The following SUPV3L1 variants were observed in gnomAD, a reference collection of about 807,000 sequenced individuals.
SUPV3L1 encodes the protein ATP-dependent RNA helicase SUPV3L1, mitochondrial.
SUPV3L1 carries 35 observed loss-of-function variants against 70.0 expected under a neutral mutation model. The ratio of observed to expected loss-of-function variants is 0.50; its 90% confidence interval spans 0.38 to 0.66. SUPV3L1 has a LOEUF of 0.66. SUPV3L1 is among the 30% of genes least tolerant of loss of function. The pLI, the probability that SUPV3L1 is intolerant of heterozygous loss-of-function variation, is 0.00. For synonymous variants in SUPV3L1, 364 were observed against 341.9 expected, an observed-to-expected ratio of 1.06 and a Z score of -0.71; for missense variants, 777 against 961.5, an observed-to-expected ratio of 0.81 and a Z score of 2.54.
rs752705209 is a variant in SUPV3L1 at position 69,180,488 on chromosome 10, C to T, written c.197C>T (p.Pro66Leu). The T allele has an allele frequency of 8.7e-6, 14 of 1,614,148 alleles. No homozygotes were observed. The Admixed American group carries it at 2.0e-4, about 23-fold the overall frequency. Residue 66 changes from proline (P) to leucine (L), a missense_variant, in exon 1 of 15, where the codon CCC becomes CTC. By Grantham distance (98) the Pro-to-Leu change is moderately conservative. Transcript: ENST00000359655. ...SKIPNTSLFV[P>L]LTVKPQGPSA... ...ATACCAAACACGTCCTTGTTCGTGC[C>T]CCTGACTGTGAAACCTCAGGGCCCC... is the stretch of plus-strand genomic sequence containing the variant.
rs761250024 is a variant in SUPV3L1 at position 69,189,422 on chromosome 10, A to G, written c.728A>G (p.Lys243Arg). The change falls in exon 5 of 15, where the codon AAG becomes AGG. Residue 243 changes from lysine to arginine, a missense_variant. Transcript: ENST00000359655. The part of the protein sequence containing the change: ...LKLLAHEIFE[K>R]SNAAGVPCDL... ...TTACTGGCACATGAGATCTTCGAAA[A>G]GAGTAATGCTGCTGTCAGTATATTA... is the stretch of plus-strand genomic sequence containing the variant. The G allele has an allele frequency of 5.0e-6, 8 of 1,610,780 alleles. No individual in the cohort carries two copies. The highest frequency in any genetic ancestry group is 4.4e-5 in the South Asian group (4 of 90,226).
In SUPV3L1 at chr10:69,191,517, G is replaced by A. The variant is rs768282507; in HGVS notation, c.742-138G>A. ...GCTGGGATTACAGGCATGAGCCACC[G>A]TGTCTGGCCGTGGGAACATTATGTT... On this transcript the variant is annotated intron_variant, in intron 5 of 14. Coordinates refer to ENST00000359655, the MANE Select transcript of SUPV3L1 (RefSeq NM_003171.5). 1.5e-4 allele frequency: 104 copies of A among 671,218 alleles called. No individual in the cohort carries two copies. The Middle Eastern group carries it at 3.7e-3, about 24-fold the overall frequency. The allele number at this position is 671,218 out of a possible 1,614,324, so 41.6% of individuals were successfully genotyped here.
At chr10:69,189,230 G>C in intron 4 of SUPV3L1, 37 bp from the exon 5 acceptor site, 1 of 1,575,502 alleles carries the variant, frequency 6.3e-7, no homozygotes, top group South Asian at 1.2e-5. Context: ...GGATTTTGAG[G>C]TTAATGGATT....
In SUPV3L1 at chr10:69,186,325, CAAAAAAAA is replaced by C. The variant is rs34197871; in HGVS notation, c.350-106_350-99del. 1.5e-5 allele frequency: 6 copies of C among 400,326 alleles called. No homozygotes were observed. In the African/African-American group the frequency reaches 2.5e-4, roughly 17 times the overall value. 24.8% of individuals were successfully genotyped at this position (400,326 alleles called of 1,614,324 possible). On this transcript the variant is annotated intron_variant, in intron 2 of 14. Coordinates refer to ENST00000359655, the MANE Select transcript of SUPV3L1 (RefSeq NM_003171.5). ...GATCATAATAAACCAGCTGTACTGC[CAAAAAAAA>C]AAAAAAAAAAAGAAAAAAAAAGACT...
Position 69,186,234 on chromosome 10 carries a change from T to A in SUPV3L1, c.349+170T>A, listed in dbSNP as rs576640831. On this transcript the variant is annotated intron_variant, in intron 2 of 14. Transcript: ENST00000359655. ...GCGAGGCTCACCTGGTGAGCCATAC[T>A]GCACGGCAGAGGAGCTGCAGCTGCG... 1.2e-4 allele frequency among the ~76,000 whole-genome samples: 18 copies of A among 150,172 alleles called. No individual in the cohort carries two copies. The South Asian group carries it at 3.6e-3, about 30-fold the overall frequency.
intron 5 of SUPV3L1, among the ~76,000 whole-genome samples, chr10:69,189,836 C>T (rs149171905): frequency 0.064 from 9,672 of 151,948 alleles, 372 homozygotes; most frequent in Non-Finnish European, 0.09. Flanking sequence ...TTAGTAGAGA[C>T]GGGGTTTCAC....
At chr10:69,197,376 T>C (rs544947941) in intron 8 of SUPV3L1, among the ~76,000 whole-genome samples, 13 of 152,270 alleles carry the variant, frequency 8.5e-5, no homozygotes, top group Admixed American at 5.9e-4. Flanking sequence ...TCAGTACTCT[T>C]AGAAGTTGGA....
chr10:69,197,328 C>G (rs1311030653), intron 8 of SUPV3L1, among the ~76,000 whole-genome samples: 2 of 152,142 alleles, frequency 1.3e-5, no homozygotes, highest in African/African-American at 2.4e-5. Flanking sequence ...TTGACAAAAC[C>G]TTGTGGGGCT....
chr10:69,202,324 T>C, intron 11 of SUPV3L1, 115 bp from the exon 12 acceptor site: 1 of 697,414 alleles, frequency 1.4e-6, no homozygotes, highest in African/African-American at 1.8e-5. Flanking sequence ...TGGCATTTAC[T>C]TCATATGGTG....
At chr10:69,185,625 C>T (rs550641737) in intron 1 of SUPV3L1, among the ~76,000 whole-genome samples, 3 of 152,072 alleles carry the variant, frequency 2.0e-5, no homozygotes, top group African/African-American at 7.2e-5. Context: ...CCTCAGCCTC[C>T]TGGGTAGCTG....
chr10:69,201,941 A>C (rs572975170), intron 11 of SUPV3L1, among the ~76,000 whole-genome samples: 2 of 151,558 alleles, frequency 1.3e-5, no homozygotes, highest in Admixed American at 1.3e-4. Context: ...GCTGGGTTCA[A>C]GTGATTCTCA....
At chr10:69,192,517 A>G (rs1842426054) in intron 6 of SUPV3L1, 1 of 152,204 alleles carries the variant, frequency 6.6e-6, no homozygotes, top group East Asian at 1.9e-4. Flanking sequence ...TACTCCACAA[A>G]TGTGTTTAGA....
chr10:69,207,813 G>A lies in SUPV3L1; in HGVS notation c.1797G>A (p.Arg599=). The A allele has an allele frequency of 6.2e-7, 1 of 1,613,874 alleles. No homozygotes were observed. Among genetic ancestry groups the A allele is most frequent in the Non-Finnish European group, 8.5e-7 (1 of 1,179,918 alleles). Residue 599 remains arginine, a synonymous_variant, in exon 14 of 15, where the codon AGG becomes AGA. Coordinates refer to ENST00000359655, the MANE Select transcript of SUPV3L1 (RefSeq NM_003171.5). ...CTCAGTTTGCCAGGCAGTATAGCAG[G>A]AATGAGCCCCTGACCTTTGCATGGT... ...SLLQFARQYS[R]NEPLTFAWLR... is the part of the protein sequence containing the mutation.
rs12778597 is a variant in SUPV3L1, at chr10:69,203,972, A to C, written c.1776+929A>C. On this transcript the variant is annotated intron_variant, in intron 13 of 14. Transcript: ENST00000359655. ...GCTCCTGGAGGCAAGTGATCATCCCACCTCAGCCTCCCAAAGTGCTGGGAT... is the reference window on the plus strand; with the variant it reads ...GCTCCTGGAGGCAAGTGATCATCCCCCCTCAGCCTCCCAAAGTGCTGGGAT... Among the ~76,000 whole-genome samples, 5 of 151,746 alleles carry C rather than the reference A, an allele frequency of 3.3e-5. 1 individual carries two copies. Among genetic ancestry groups the C allele is most frequent in the African/African-American group, 1.2e-4 (5 of 41,316 alleles).
intron 4 of SUPV3L1, 22 bp downstream of exon 4, chr10:69,187,778 T>C (rs1225512058): frequency 1.3e-6 from 2 of 1,497,260 alleles, no homozygotes; most frequent in Non-Finnish European, 1.8e-6. Context: ...CATTTGTGGA[T>C]TTGAAATTTT....
chr10:69,207,633 TTCTTTAAAATGTAG>T, intron 13 of SUPV3L1, 146 bp from the exon 14 acceptor site: 1 of 845,538 alleles, frequency 1.2e-6, no homozygotes, highest in Non-Finnish European at 1.8e-6. Context: ...GTATTAAATG[TTCTTTAAAATGTAG>T]AAGAGTATAA....
Position 69,198,571 on chromosome 10 carries a change from C to T in SUPV3L1, c.1204+19C>T, listed in dbSNP as rs5030911. On this transcript the variant is annotated intron_variant, in intron 9 of 14. Transcript: ENST00000359655. ...CCACCTGGTAATTATTGACTTTCCT[C>T]GTGACAAGATATGAAATCTCCTATC... 339,766 of 1,606,034 alleles carry T rather than the reference C, an allele frequency of 0.21. 38,937 individuals are homozygous for T. Among genetic ancestry groups the T allele is most frequent in the Non-Finnish European group, 0.23 (273,467 of 1,176,698 alleles).
chr10:69,189,525 A>G, intron 5 of SUPV3L1, 90 bp downstream of exon 5: 10 of 1,322,090 alleles, frequency 7.6e-6, no homozygotes, highest in Non-Finnish European at 1.0e-5. Context: ...ATTTACTGTT[A>G]ACAAGAAATT....
At chr10:69,194,356 C>A (rs1388746840) in intron 6 of SUPV3L1, among the ~76,000 whole-genome samples, 2 of 151,058 alleles carry the variant, frequency 1.3e-5, no homozygotes, top group African/African-American at 2.4e-5. Flanking sequence ...GAAAAAAAAA[C>A]CTTTTTTTTT....
Sources: gnomAD v4.1 joint callset for allele counts (sites outside exome capture counted in the v4.1 genomes callset) on GRCh38, gnomAD v4.1.1 for gene constraint, MANE v1.5 for transcripts, NCBI Gene and HGNC (gene_info 2026-07-23, HGNC 2026-07-21) for gene names.